PEG3: variants seen among roughly 807,000 people sequenced by gnomAD.
PEG3 encodes paternally expressed 3.
A neutral mutation model predicts 35.5 loss-of-function variants in PEG3; 23 were observed. The observed-to-expected ratio is 0.65, with a 90% CI of 0.47 to 0.92. The LOEUF (loss-of-function observed/expected upper bound fraction) is 0.92, where lower values mean the gene tolerates loss of function less well. Ranked by LOEUF, PEG3 falls within the 40% of genes least tolerant of loss-of-function variation. PEG3 has a pLI of 0.00. For missense variants in PEG3, 1,960 were observed against 1,985.3 expected (o/e 0.99, Z 0.24); for synonymous variants, 707 against 697.0 (o/e 1.01, Z -0.23).
At position 56,812,003 on chromosome 19, in the gene PEG3, C is replaced by T; in HGVS notation, c.*1672G>A. On this transcript the variant is annotated 3_prime_UTR_variant, in exon 10 of 10. Coordinates refer to ENST00000326441, the MANE Select transcript of PEG3 (RefSeq NM_006210.3). The stretch of plus-strand genomic sequence containing the variant: ...TGACACTCCCTGCATCTTTGACATA[C>T]TTCCAAGCCCTAATCCTGCAGATCC... The T allele has an allele frequency of 7.1e-6, 7 of 985,144 alleles. No individual in the cohort carries two copies. The highest frequency in any genetic ancestry group is 8.4e-6 in the Non-Finnish European group (7 of 829,688). The allele number at this position is 985,144 out of a possible 1,614,324, so 61.0% of individuals were successfully genotyped here. A position where few individuals can be genotyped will look rare whatever the true frequency, so the allele number is the denominator to read the frequency against.
chr19:56,831,284 T>C (rs1206066180), intron 2 of PEG3, among the ~76,000 whole-genome samples: 1 of 152,138 alleles, frequency 6.6e-6, no homozygotes, highest in African/African-American at 2.4e-5. Context: ...TATAGACACA[T>C]GGGGACTTAA....
rs778522709 is a variant in PEG3, at chr19:56,815,669, G to T, written c.2773C>A (p.Pro925Thr). The part of the protein sequence containing the change: ...EFKKDGEFSV[P>T]SSNVREYQKA... ...TGGTATTCACGGACATTTGAGCTGGGAACAGAGAATTCGCCATCCTTCTTA... is the reference window on the plus strand; with the variant it reads ...TGGTATTCACGGACATTTGAGCTGGTAACAGAGAATTCGCCATCCTTCTTA... The change falls in exon 10 of 10, where the codon CCC (proline) becomes ACC (threonine). Residue 925 changes from proline (P) to threonine (T), a missense_variant. Transcript: ENST00000326441. The T allele has an allele frequency of 1.2e-6, 2 of 1,614,120 alleles. No individual in the cohort carries two copies. The highest frequency in any genetic ancestry group is 2.2e-5 in the South Asian group (2 of 91,076).
In PEG3 at chr19:56,815,794, T is replaced by A; in HGVS notation, c.2648A>T (p.Glu883Val). 6.2e-7 allele frequency: 1 copy of A among 1,613,668 alleles called. No individual in the cohort carries two copies. Among genetic ancestry groups the A allele is most frequent in the Non-Finnish European group, 8.5e-7 (1 of 1,179,668 alleles). ...ATAGTTGCGATTCTTACTGCCCCCT[T>A]CACAAGGGTTCTCTCTGGCAGGAAT... ...QKIPARENPC[E>V]GGSKNRNYED... is the part of the protein sequence containing the mutation. Residue 883 changes from glutamate to valine, a missense_variant, in exon 10 of 10, where the codon GAA becomes GTA. Physicochemically the swap from Glu to Val is moderately radical, Grantham distance 121 (BLOSUM62 -2). Around this residue, in one of 5 missense-constraint regions of PEG3, gnomAD observed 798 missense variants for 782.4 expected, o/e 1.02. Transcript: ENST00000326441.
At position 56,815,144 on chromosome 19, in the gene PEG3, C is replaced by G. The variant is rs1555792038; in HGVS notation, c.3298G>C (p.Asp1100His). 6.2e-7 allele frequency: 1 copy of G among 1,613,962 alleles called. No individual in the cohort carries two copies. Among genetic ancestry groups the G allele is most frequent in the Non-Finnish European group, 8.5e-7 (1 of 1,179,960 alleles). Residue 1100 changes from aspartate (D) to histidine (H), a missense_variant, in exon 10 of 10, where the codon GAT (aspartate) becomes CAT (histidine). This residue lies in a region of PEG3 where 798 missense variants were observed against 782.4 expected (regional missense o/e 1.02). Coordinates refer to ENST00000326441, the MANE Select transcript of PEG3 (RefSeq NM_006210.3). Reference protein sequence around the residue: ...QGSDMEDPQKDDPDDKIYECE... With the variant: ...QGSDMEDPQKHDPDDKIYECE... ...TCATAGATTTTGTCATCAGGGTCAT[C>G]CTTCTGAGGGTCTTCCATGTCTGAG...
At position 56,816,799 on chromosome 19, in the gene PEG3, G is replaced by A. The variant is rs1200148515; in HGVS notation, c.1643C>T (p.Pro548Leu). 1 of 1,614,026 alleles carries A rather than the reference G, an allele frequency of 6.2e-7. No individual in the cohort carries two copies. Among genetic ancestry groups the A allele is most frequent in the Non-Finnish European group, 8.5e-7 (1 of 1,179,998 alleles). Residue 548 changes from proline to leucine, a missense_variant, in exon 10 of 10, where the codon CCC becomes CTC. Physicochemically the swap from Pro to Leu is moderately conservative, Grantham distance 98 (BLOSUM62 -3). Around this residue, in one of 5 missense-constraint regions of PEG3, gnomAD observed 798 missense variants for 782.4 expected, o/e 1.02. Transcript: ENST00000326441. Reference protein sequence around the residue: ...QECEEAFMPSPTFSELQKIYG... With the variant: ...QECEEAFMPSLTFSELQKIYG... ...TATTTTCTGAAGCTCACTAAAGGTGGGGCTAGGCATGAAGGCTTCCTCACA... is the reference window on the plus strand; with the variant it reads ...TATTTTCTGAAGCTCACTAAAGGTGAGGCTAGGCATGAAGGCTTCCTCACA...
intron 2 of PEG3, among the ~76,000 whole-genome samples, chr19:56,829,198 A>G (rs533839477): frequency 1.3e-5 from 2 of 152,238 alleles, no homozygotes; most frequent in South Asian, 4.2e-4. Context: ...TAAAAATACA[A>G]AAATTAGCTG....
In PEG3 at chr19:56,810,984, T is replaced by C. The variant is rs2146074186; in HGVS notation, c.*2691A>G. 2.1e-6 allele frequency: 2 copies of C among 974,000 alleles called. No homozygotes were observed. The highest frequency in any genetic ancestry group is 4.8e-5 in the South Asian group (1 of 21,036). 60.3% of individuals were successfully genotyped at this position (974,000 alleles called of 1,614,324 possible). A position where few individuals can be genotyped will look rare whatever the true frequency, so the allele number is the denominator to read the frequency against. On this transcript the variant is annotated 3_prime_UTR_variant, in exon 10 of 10. Coordinates refer to ENST00000326441, the MANE Select transcript of PEG3 (RefSeq NM_006210.3). ...TTTAACCATAATTCCACAAAGGTAA[T>C]GTAACAGCTATTTTGAATATACATT...
chr19:56,829,813 C>T (rs192140346), intron 2 of PEG3, among the ~76,000 whole-genome samples: 111 of 152,354 alleles, frequency 7.3e-4, no homozygotes, highest in Admixed American at 3.5e-3. Context: ...CCAGATCCCA[C>T]GTGACCTTCT....
chr19:56,829,991 T>C lies in PEG3; in HGVS notation c.-162-3528A>G, dbSNP rs79534086. 2.7e-3 allele frequency among the ~76,000 whole-genome samples: 408 copies of C among 152,308 alleles called. 4 individuals are homozygous for C. Among genetic ancestry groups the C allele is most frequent in the African/African-American group, 9.6e-3 (397 of 41,562 alleles). On this transcript the variant is annotated intron_variant, in intron 2 of 9. Transcript: ENST00000326441. ...AAAGGTCTAAAGGCTTGCCTGATGC[T>C]ATCAAATGAAATATTAAAGCTGAGG...
At chr19:56,836,164 G>C (rs2062078200) in intron 1 of PEG3, 60 bp from the exon 2 acceptor site, 1 of 434,372 alleles carries the variant, frequency 2.3e-6, no homozygotes. Context: ...GGGTTCCTCA[G>C]GGGGGAACAA....
chr19:56,836,136 G>C (rs560839560), intron 1 of PEG3, 32 bp from the exon 2 acceptor site: 555 of 452,148 alleles, frequency 1.2e-3, no homozygotes, highest in Non-Finnish European at 1.9e-3. Context: ...GAGACGCCAA[G>C]TTTATTTTGC....
At position 56,832,896 on chromosome 19, in the gene PEG3, T is replaced by C. The variant is rs1197135048; in HGVS notation, c.-163+3122A>G. Among the ~76,000 whole-genome samples the C allele has an allele frequency of 2.6e-5, 4 of 152,218 alleles. No individual in the cohort carries two copies. In the East Asian group the frequency reaches 7.7e-4, roughly 29 times the overall value. Reference sequence around the variant, plus strand: ...TGGATGGTGGTACTGATGCCATTCTTTGGATATTTTATGACACTTTACTTC... The same window carrying C: ...TGGATGGTGGTACTGATGCCATTCTCTGGATATTTTATGACACTTTACTTC... On this transcript the variant is annotated intron_variant, in intron 2 of 9. Transcript: ENST00000326441.
At chr19:56,824,821 C>T (rs1036993499) in intron 3 of PEG3, 80 bp from the exon 4 acceptor site, 29 of 633,746 alleles carry the variant, frequency 4.6e-5, no homozygotes, top group Non-Finnish European at 1.9e-5. Context: ...CCAGAGGCAT[C>T]GACAATGCTT....
rs1731765508 is a variant in PEG3 at position 56,813,343 on chromosome 19, T to C, written c.*332A>G. 2.8e-6 allele frequency: 3 copies of C among 1,074,850 alleles called. No homozygotes were observed. The highest frequency in any genetic ancestry group is 3.4e-6 in the Non-Finnish European group (3 of 877,784). The allele number at this position is 1,074,850 out of a possible 1,614,324, so 66.6% of individuals were successfully genotyped here. ...TATATACACCTCATGAAACACTATA[T>C]ATACGTTACACAAGTGTCATTTACA... On this transcript the variant is annotated 3_prime_UTR_variant, in exon 10 of 10. Coordinates refer to ENST00000326441, the MANE Select transcript of PEG3 (RefSeq NM_006210.3).
Position 56,817,530 on chromosome 19 carries a change from A to T in PEG3, c.912T>A (p.Ile304=). ...CTCCGTGGGAAGATTCATCTTCACA[A>T]ATCCCCCGCCGGTGGGTTGATTTTT... The part of the protein sequence containing the change: ...EAKKSTHRRG[I]CEDESSHGVI... Residue 304 remains isoleucine (I), a synonymous_variant, in exon 10 of 10, where the codon ATT becomes ATA. Coordinates refer to ENST00000326441, the MANE Select transcript of PEG3 (RefSeq NM_006210.3). 1 of 1,603,922 alleles carries T rather than the reference A, an allele frequency of 6.2e-7. No individual in the cohort carries two copies. Among genetic ancestry groups the T allele is most frequent in the Non-Finnish European group, 8.5e-7 (1 of 1,174,076 alleles).
chr19:56,825,086 TA>T (rs1465379070), intron 3 of PEG3: 2 of 162,134 alleles, frequency 1.2e-5, no homozygotes, highest in African/African-American at 4.8e-5. Flanking sequence ...CTAAGATACC[TA>T]AAAAGACTTA....
chr19:56,822,447 CTAGTTTTCAATTTTTGCAGTGGCA>C (rs2060588291), intron 6 of PEG3: 2 of 323,596 alleles, frequency 6.2e-6, no homozygotes, highest in Non-Finnish European at 1.1e-5. Flanking sequence ...GCACTTCATA[CTAGTTTTCAATTTTTGCAGTGGCA>C]TAGTCTTTCA....
chr19:56,821,009 A>AT (rs1183944396), intron 7 of PEG3, among the ~76,000 whole-genome samples: 2 of 151,878 alleles, frequency 1.3e-5, no homozygotes, highest in African/African-American at 4.8e-5. Context: ...CAAGTTCCAC[A>AT]TTTTTTTTCC....
At chr19:56,819,496 G>C (rs904128001) in intron 7 of PEG3, among the ~76,000 whole-genome samples, 2 of 152,196 alleles carry the variant, frequency 1.3e-5, no homozygotes, top group African/African-American at 4.8e-5. Flanking sequence ...AGGGAGTCAT[G>C]GTCCCAGGAA....
Sources: allele counts gnomAD v4.1 joint callset (sites outside exome capture counted in the v4.1 genomes callset), GRCh38; gene constraint gnomAD v4.1.1; regional missense constraint gnomAD v4.1.1; transcripts MANE v1.5; gene names NCBI Gene and HGNC (gene_info 2026-07-23, HGNC 2026-07-21).